ADAMTS18: variants seen among roughly 807,000 people sequenced by gnomAD.
ADAMTS18 encodes the protein A disintegrin and metalloproteinase with thrombospondin motifs 18.
A neutral mutation model predicts 165.9 loss-of-function variants in ADAMTS18; 157 were observed. The observed-to-expected ratio is 0.95, with a 90% CI of 0.83 to 1.08. The LOEUF (loss-of-function observed/expected upper bound fraction) is 1.08, where lower values mean the gene tolerates loss of function less well. Among genes scored for constraint, ADAMTS18 ranks in the 50% least tolerant of loss-of-function variants. ADAMTS18 has a pLI of 0.00. For synonymous variants in ADAMTS18, 782 were observed against 578.2 expected, an observed-to-expected ratio of 1.35 and a Z score of -5.06; for missense variants, 2,040 against 1,534.0, an observed-to-expected ratio of 1.33 and a Z score of -5.51.
At chr16:77,391,489 C>T (rs1244876235) in intron 3 of ADAMTS18, among the ~76,000 whole-genome samples, 1 of 132,140 alleles carries the variant, frequency 7.6e-6, no homozygotes, top group Non-Finnish European at 1.7e-5. Flanking sequence ...AAGACTCAGT[C>T]TCAAAAAAAA....
At chr16:77,426,161 A>T (rs542075053) in intron 3 of ADAMTS18, among the ~76,000 whole-genome samples, 1 of 152,308 alleles carries the variant, frequency 6.6e-6, no homozygotes, top group Non-Finnish European at 1.5e-5. Context: ...GAAATATGTT[A>T]AAGATGTTTG....
chr16:77,363,291 A>G (rs970599050), intron 6 of ADAMTS18, among the ~76,000 whole-genome samples: 7 of 152,140 alleles, frequency 4.6e-5, no homozygotes, highest in African/African-American at 1.7e-4. Context: ...TCCCTTGTTT[A>G]TTCCCTGTAT....
intron 9 of ADAMTS18, among the ~76,000 whole-genome samples, chr16:77,355,172 T>C (rs1318020): frequency 0.086 from 13,068 of 151,250 alleles, 776 homozygotes; most frequent in East Asian, 0.26. Flanking sequence ...TAAGTGTCCT[T>C]GTGGGTCAAT....
chr16:77,301,038 G>C (rs1374279336), intron 16 of ADAMTS18, among the ~76,000 whole-genome samples: 3 of 152,122 alleles, frequency 2.0e-5, no homozygotes, highest in African/African-American at 7.2e-5. Context: ...GCTAGGATGA[G>C]CAGATAAGAA....
intron 16 of ADAMTS18, among the ~76,000 whole-genome samples, chr16:77,301,549 T>G (rs1021746227): frequency 6.6e-6 from 1 of 152,258 alleles, no homozygotes; most frequent in African/African-American, 2.4e-5. Flanking sequence ...CCACTAGAAC[T>G]GGGCATTCAT....
chr16:77,332,395 T>G (rs1313767986), intron 12 of ADAMTS18, among the ~76,000 whole-genome samples: 1 of 152,158 alleles, frequency 6.6e-6, no homozygotes, highest in Non-Finnish European at 1.5e-5. Flanking sequence ...ATGAGGATGA[T>G]GAAAACCACA....
chr16:77,335,688 G>A (rs1294451685), intron 12 of ADAMTS18, 68 bp downstream of exon 12: 2 of 1,590,922 alleles, frequency 1.3e-6, no homozygotes, highest in African/African-American at 1.3e-5. Flanking sequence ...GTATGAACAA[G>A]AAAAACCAGC....
At chr16:77,367,279 T>C (rs1215437874) in intron 4 of ADAMTS18, among the ~76,000 whole-genome samples, 162 bp downstream of exon 4, 1 of 152,208 alleles carries the variant, frequency 6.6e-6, no homozygotes, top group Non-Finnish European at 1.5e-5. Flanking sequence ...GAATAATTGA[T>C]CATCCAGCAT....
rs760527628 is a variant in ADAMTS18 at position 77,355,899 on chromosome 16, A to G, written c.1460+41T>C. On this transcript the variant is annotated intron_variant, in intron 9 of 22. Transcript: ENST00000282849. Reference sequence around the variant, plus strand: ...GTCTATGGAGCACAATTCTGTCATCACTCCAAACCTAGGAGCACCCCAGGA... The same window carrying G: ...GTCTATGGAGCACAATTCTGTCATCGCTCCAAACCTAGGAGCACCCCAGGA... The G allele has an allele frequency of 6.2e-6, 10 of 1,613,028 alleles. No individual in the cohort carries two copies. In the South Asian group the frequency reaches 1.1e-4, roughly 18 times the overall value.
intron 21 of ADAMTS18, among the ~76,000 whole-genome samples, chr16:77,290,193 T>G (rs79892869): frequency 6.6e-6 from 1 of 152,218 alleles, no homozygotes; most frequent in Non-Finnish European, 1.5e-5. Context: ...TGTAAACTTT[T>G]CCTTTAAAGG....
At chr16:77,390,176 G>T (rs1199964755) in intron 3 of ADAMTS18, among the ~76,000 whole-genome samples, 3 of 152,112 alleles carry the variant, frequency 2.0e-5, no homozygotes, top group Non-Finnish European at 4.4e-5. Context: ...AGAAGCTATT[G>T]CCTGGGTTTC....
chr16:77,302,920 G>T (rs1447860911), intron 16 of ADAMTS18, among the ~76,000 whole-genome samples: 1 of 152,166 alleles, frequency 6.6e-6, no homozygotes, highest in Non-Finnish European at 1.5e-5. Flanking sequence ...TGATAAAAGT[G>T]TCACCAGTAT....
chr16:77,426,548 G>A (rs1301793557), intron 3 of ADAMTS18, among the ~76,000 whole-genome samples: 1 of 152,164 alleles, frequency 6.6e-6, no homozygotes, highest in Non-Finnish European at 1.5e-5. Flanking sequence ...TTGTTTCAGG[G>A]TTGAATCACA....
intron 10 of ADAMTS18, 115 bp downstream of exon 10, chr16:77,353,618 G>A: frequency 1.4e-6 from 2 of 1,400,300 alleles, no homozygotes; most frequent in Non-Finnish European, 2.0e-6. Flanking sequence ...TGACACGGTA[G>A]AGATAACCCA....
At chr16:77,286,742 T>C (rs969886744) in intron 22 of ADAMTS18, among the ~76,000 whole-genome samples, 2 of 152,144 alleles carry the variant, frequency 1.3e-5, no homozygotes, top group Non-Finnish European at 2.9e-5. Flanking sequence ...TGCTCATCCT[T>C]AACTTAATAT....
In ADAMTS18 at chr16:77,282,925, T is replaced by TTTTTTTTTTTTTTTTTTTTC. The variant is rs4038556; in HGVS notation, c.*1030_*1031insGAAAAAAAAAAAAAAAAAAA. Reference sequence around the variant, plus strand: ...TTCTCTCTTTTTTTTTTTTTTTTTTTTGCTGTTAGCTCAATCCTAGGGCAA... The same window carrying TTTTTTTTTTTTTTTTTTTTC: ...TTCTCTCTTTTTTTTTTTTTTTTTTTTTTTTTTTTTTTTTTTTTTCTGCTGTTAGCTCAATCCTAGGGCAA... On this transcript the variant is annotated 3_prime_UTR_variant, in exon 23 of 23. Transcript: ENST00000282849. 8.0e-6 allele frequency: 1 copy of TTTTTTTTTTTTTTTTTTTTC among 125,476 alleles called. No homozygotes were observed. The highest frequency in any genetic ancestry group is 1.8e-5 in the Non-Finnish European group (1 of 56,650). The allele number at this position is 125,476 out of a possible 1,614,324, so 7.8% of individuals were successfully genotyped here.
At chr16:77,288,636 AT>A (rs1248461904) in intron 22 of ADAMTS18, among the ~76,000 whole-genome samples, 2 of 152,112 alleles carry the variant, frequency 1.3e-5, no homozygotes, top group Non-Finnish European at 2.9e-5. Flanking sequence ...TGATTTCTGA[AT>A]TTTTTATATC....
chr16:77,428,446 C>G (rs2057700061), intron 3 of ADAMTS18, among the ~76,000 whole-genome samples: 3 of 152,124 alleles, frequency 2.0e-5, no homozygotes, highest in Admixed American at 2.0e-4. Context: ...ACCATCAGAA[C>G]AATGCAAACT....
At chr16:77,320,271 G>T (rs977460218) in intron 15 of ADAMTS18, among the ~76,000 whole-genome samples, 178 bp from the exon 16 acceptor site, 1 of 152,090 alleles carries the variant, frequency 6.6e-6, no homozygotes, top group African/African-American at 2.4e-5. Context: ...CAAATAGTAA[G>T]AACACTAGAG....
Sources: gnomAD v4.1 joint callset for allele counts (sites outside exome capture counted in the v4.1 genomes callset) on GRCh38, gnomAD v4.1.1 for gene constraint, MANE v1.5 for transcripts, NCBI Gene and HGNC (gene_info 2026-07-23, HGNC 2026-07-21) for gene names.